NEBL: variants seen among roughly 807,000 people sequenced by gnomAD.
NEBL encodes the protein nebulette.
Under a neutral mutation model 140.2 loss-of-function variants are expected in NEBL, and 122 were observed. The ratio of observed to expected loss-of-function variants is 0.87; its 90% CI spans 0.75 to 1.01. NEBL has a LOEUF of 1.01. Among genes scored for constraint, NEBL ranks in the 50% least tolerant of loss-of-function variants. NEBL has a pLI of 0.00. For synonymous variants in NEBL, 436 were observed against 398.9 expected, an observed-to-expected ratio of 1.09 and a Z score of -1.11; for missense variants, 1,365 against 1,231.3, an observed-to-expected ratio of 1.11 and a Z score of -1.62.
At chr10:20,900,614 A>G (rs1254835431), upstream of NEBL, among the ~76,000 whole-genome samples, 2 of 150,790 alleles carry the variant, frequency 1.3e-5, no homozygotes, top group African/African-American at 4.9e-5. Context: ...GCTTGAGCTC[A>G]GGAGTTCGAG....
At chr10:21,256,797 G>A (rs1842664817) in intron 1 of NEBL, among the ~76,000 whole-genome samples, 1 of 152,164 alleles carries the variant, frequency 6.6e-6, no homozygotes, top group Non-Finnish European at 1.5e-5. Flanking sequence ...TCTGATCGTA[G>A]CACTGCACTC....
intron 4 of NEBL, among the ~76,000 whole-genome samples, chr10:20,931,110 C>T (rs2131533858): frequency 1.1e-5 from 1 of 93,566 alleles, no homozygotes; most frequent in Admixed American, 1.2e-4. Context: ...CTTTCCTTTC[C>T]CATAAGAAAA....
intron 10 of NEBL, among the ~76,000 whole-genome samples, chr10:20,851,724 G>T (rs1477412937): frequency 6.6e-6 from 1 of 152,106 alleles, no homozygotes; most frequent in Non-Finnish European, 1.5e-5. Flanking sequence ...GGCAGAGGTT[G>T]CAGTGAACCG....
chr10:21,245,296 A>G (rs114189901), intron 3 of NEBL, among the ~76,000 whole-genome samples: 1,605 of 152,334 alleles, frequency 0.011, 29 homozygotes, highest in African/African-American at 0.037. Context: ...AGTTTGACCA[A>G]TGCTTCTGAG....
At chr10:20,949,377 T>C (rs901613012) in intron 4 of NEBL, among the ~76,000 whole-genome samples, 1 of 152,140 alleles carries the variant, frequency 6.6e-6, no homozygotes, top group Admixed American at 6.6e-5. Context: ...GACGGATTGA[T>C]AGGTACAGCA....
At chr10:21,241,905 A>G (rs2132265092) in intron 3 of NEBL, among the ~76,000 whole-genome samples, 1 of 152,070 alleles carries the variant, frequency 6.6e-6, no homozygotes, top group Middle Eastern at 3.4e-3. Context: ...CAGCTCATCT[A>G]AGAAACGTTC....
At chr10:21,061,240 T>C (rs375448864) in intron 2 of NEBL, among the ~76,000 whole-genome samples, 1 of 72,706 alleles carries the variant, frequency 1.4e-5, no homozygotes, top group Admixed American at 1.4e-4. Context: ...TATATTGTGA[T>C]ATATTACATA....
chr10:21,114,810 G>A (rs1489969703), intron 2 of NEBL, among the ~76,000 whole-genome samples: 2 of 151,182 alleles, frequency 1.3e-5, no homozygotes, highest in African/African-American at 4.9e-5. Flanking sequence ...CTTTTAGCCA[G>A]TGGAAAGTTG....
intron 18 of NEBL, among the ~76,000 whole-genome samples, chr10:20,826,053 G>A (rs1839821106): frequency 6.6e-6 from 1 of 152,162 alleles, no homozygotes. Context: ...CACTTAAGCT[G>A]CCAAATAAAT....
chr10:21,267,574 C>T (rs1362281074), intron 1 of NEBL, among the ~76,000 whole-genome samples: 1 of 152,164 alleles, frequency 6.6e-6, no homozygotes, highest in African/African-American at 2.4e-5. Context: ...CTTTCTCACG[C>T]AAGACTTCTC....
chr10:20,830,989 C>T (rs1312968905), intron 16 of NEBL, among the ~76,000 whole-genome samples: 1 of 150,016 alleles, frequency 6.7e-6, no homozygotes, highest in Admixed American at 6.6e-5. Flanking sequence ...GGCTGTAGCT[C>T]TCCATAATGT....
At chr10:20,937,275 A>C (rs1293271878) in intron 4 of NEBL, among the ~76,000 whole-genome samples, 1 of 152,176 alleles carries the variant, frequency 6.6e-6, no homozygotes, top group African/African-American at 2.4e-5. Flanking sequence ...ATTTTTATTT[A>C]ACAGCAACTT....
At chr10:21,029,282 C>A in intron 2 of NEBL, 1 of 1,604,850 alleles carries the variant, frequency 6.2e-7, no homozygotes, top group Non-Finnish European at 8.5e-7. Context: ...AAATCGCCAC[C>A]CTACACTTCT....
At chr10:21,069,788 T>C (rs1406545146) in intron 2 of NEBL, among the ~76,000 whole-genome samples, 1 of 152,222 alleles carries the variant, frequency 6.6e-6, no homozygotes, top group Non-Finnish European at 1.5e-5. Context: ...GACAAACATG[T>C]ACATTATTAT....
intron 3 of NEBL, among the ~76,000 whole-genome samples, chr10:21,004,311 G>T (rs770443985): frequency 6.6e-6 from 1 of 152,056 alleles, no homozygotes; most frequent in Non-Finnish European, 1.5e-5. Context: ...CAAAGCCATT[G>T]AAATATTGGA....
intron 13 of NEBL, 110 bp from the exon 14 acceptor site, chr10:20,835,733 C>T (rs1840827203): frequency 1.3e-6 from 1 of 794,838 alleles, no homozygotes; most frequent in Non-Finnish European, 2.2e-6. Context: ...AAAGAGGTAA[C>T]AAAGCTCCTT....
intron 14 of NEBL, among the ~76,000 whole-genome samples, chr10:20,833,662 A>G (rs928102014): frequency 1.3e-5 from 2 of 152,060 alleles, no homozygotes; most frequent in Non-Finnish European, 2.9e-5. Context: ...TGCTGGGTTA[A>G]GAATGTCTAC....
At chr10:21,053,012 T>G (rs1834843465) in intron 2 of NEBL, among the ~76,000 whole-genome samples, 1 of 152,210 alleles carries the variant, frequency 6.6e-6, no homozygotes, top group African/African-American at 2.4e-5. Context: ...AGAGAAGATG[T>G]TCCCAACACA....
At chr10:20,794,623 A>C (rs1402565386) in intron 26 of NEBL, among the ~76,000 whole-genome samples, 1 of 152,212 alleles carries the variant, frequency 6.6e-6, no homozygotes, top group Non-Finnish European at 1.5e-5. Context: ...CAACCTACAT[A>C]AAAGTATTTA....
Sources: gnomAD v4.1 joint callset for allele counts (sites outside exome capture counted in the v4.1 genomes callset) on GRCh38, gnomAD v4.1.1 for gene constraint, MANE v1.5 for transcripts, NCBI Gene and HGNC (gene_info 2026-07-23, HGNC 2026-07-21) for gene names.